WWOX: variants seen among roughly 807,000 people sequenced by gnomAD.
The protein encoded by WWOX is WW domain-containing oxidoreductase.
In WWOX, 69 loss-of-function variants were observed where a neutral mutation model predicts 46.2. The ratio of observed to expected loss-of-function variants is 1.49; its 90% CI spans 1.23 to 1.82. WWOX has a LOEUF of 1.82. Ranked by LOEUF, WWOX falls within the 40% of genes most tolerant of loss-of-function variation. WWOX has a pLI of 0.00. For missense variants in WWOX, 919 were observed against 542.6 expected (o/e 1.69, Z -6.89); for synonymous variants, 359 against 202.6 (o/e 1.77, Z -6.56).
intron 8 of WWOX, among the ~76,000 whole-genome samples, chr16:79,151,186 G>A (rs1282995947): frequency 6.6e-6 from 1 of 152,130 alleles, no homozygotes; most frequent in Non-Finnish European, 1.5e-5. Context: ...CTGTAAAAGT[G>A]GCACCACCTC....
intron 8 of WWOX, among the ~76,000 whole-genome samples, chr16:78,461,638 A>G (rs879322696): frequency 6.6e-6 from 1 of 152,216 alleles, no homozygotes; most frequent in East Asian, 1.9e-4. Flanking sequence ...ACAGACATGC[A>G]CAGCTCAAAA....
chr16:78,743,117 G>C (rs995165027), intron 8 of WWOX, among the ~76,000 whole-genome samples: 1 of 152,088 alleles, frequency 6.6e-6, no homozygotes, highest in Admixed American at 6.6e-5. Context: ...CCTTGGAGGA[G>C]ACACTTGAGT....
At chr16:78,780,101 T>A (rs923631080) in intron 8 of WWOX, among the ~76,000 whole-genome samples, 8 of 152,170 alleles carry the variant, frequency 5.3e-5, no homozygotes, top group Non-Finnish European at 1.2e-4. Context: ...TTCTCGTACT[T>A]CAGGTCCCTG....
intron 6 of WWOX, among the ~76,000 whole-genome samples, chr16:78,400,592 A>G (rs2082389498): frequency 6.6e-6 from 1 of 152,156 alleles, no homozygotes. Context: ...CCATGAATCC[A>G]GCTTGGTTTT....
chr16:78,494,120 C>T (rs2084852524), intron 8 of WWOX, among the ~76,000 whole-genome samples: 1 of 152,124 alleles, frequency 6.6e-6, no homozygotes, highest in South Asian at 2.1e-4. Flanking sequence ...GTAATGTCTT[C>T]ACATGGCTGG....
chr16:79,188,116 C>G (rs2051056408), intron 8 of WWOX, among the ~76,000 whole-genome samples: 1 of 152,154 alleles, frequency 6.6e-6, no homozygotes, highest in Admixed American at 6.6e-5. Context: ...TTTGATTTTT[C>G]TCATCTCCTT....
chr16:78,687,208 T>C (rs959906834), intron 8 of WWOX, among the ~76,000 whole-genome samples: 2 of 152,222 alleles, frequency 1.3e-5, no homozygotes, highest in African/African-American at 2.4e-5. Flanking sequence ...CTGTTCATGA[T>C]ATAACAGTAA....
intron 8 of WWOX, among the ~76,000 whole-genome samples, chr16:78,799,790 G>C (rs984600156): frequency 6.6e-6 from 1 of 152,182 alleles, no homozygotes; most frequent in Non-Finnish European, 1.5e-5. Context: ...AATTTATTTA[G>C]ATATCTTTGG....
At chr16:78,795,072 T>G (rs2050702183) in intron 8 of WWOX, among the ~76,000 whole-genome samples, 1 of 152,200 alleles carries the variant, frequency 6.6e-6, no homozygotes, top group African/African-American at 2.4e-5. Context: ...CGTTGGTGCT[T>G]AAGCATATCC....
intron 8 of WWOX, among the ~76,000 whole-genome samples, chr16:78,569,644 T>C (rs1567651268): frequency 1.3e-5 from 2 of 152,260 alleles, no homozygotes; most frequent in African/African-American, 4.8e-5. Context: ...ATCACAGTTA[T>C]AGAGTAGACA....
At chr16:78,164,053 C>G in intron 4 of WWOX, 130 bp from the exon 5 acceptor site, 1 of 843,724 alleles carries the variant, frequency 1.2e-6, no homozygotes, top group Admixed American at 2.0e-5. Flanking sequence ...TGCTTCTGTC[C>G]CCTGGGGATC....
chr16:78,768,279 T>TAAGAAAAAA, intron 8 of WWOX, among the ~76,000 whole-genome samples: 1 of 91,962 alleles, frequency 1.1e-5, no homozygotes, highest in African/African-American at 4.0e-5. Context: ...ATAGATGAGT[T>TAAGAAAAAA]AAAAAAAAAA....
At chr16:78,978,948 C>T (rs1203266538) in intron 8 of WWOX, among the ~76,000 whole-genome samples, 1 of 152,074 alleles carries the variant, frequency 6.6e-6, no homozygotes, top group Non-Finnish European at 1.5e-5. Flanking sequence ...TTTGATGTCC[C>T]TCCCCACTTT....
chr16:78,236,196 T>C (rs1279557964), intron 5 of WWOX, among the ~76,000 whole-genome samples: 1 of 152,210 alleles, frequency 6.6e-6, no homozygotes, highest in Non-Finnish European at 1.5e-5. Context: ...TAGGGCAAGG[T>C]AATTAAAATG....
chr16:78,141,430 CTTTTTTT>C (rs10639685), intron 4 of WWOX, among the ~76,000 whole-genome samples: 4 of 118,964 alleles, frequency 3.4e-5, no homozygotes, highest in Non-Finnish European at 5.1e-5. Context: ...CATCCCCCTT[CTTTTTTT>C]TTTTTTTTTT....
intron 8 of WWOX, among the ~76,000 whole-genome samples, chr16:79,067,637 C>CGG (rs144613659): frequency 3.0e-4 from 24 of 80,926 alleles, no homozygotes; most frequent in Middle Eastern, 5.7e-3. Flanking sequence ...GGGTGGGGGG[C>CGG]GGGGGGGGGC....
chr16:78,528,204 CAG>C (rs1448434815), intron 8 of WWOX, among the ~76,000 whole-genome samples: 1 of 109,594 alleles, frequency 9.1e-6, no homozygotes, highest in Non-Finnish European at 1.7e-5. Flanking sequence ...TTAGTCGAGA[CAG>C]GGTTTCACCG....
chr16:79,052,010 T>G (rs979891366), intron 8 of WWOX, among the ~76,000 whole-genome samples: 3 of 150,416 alleles, frequency 2.0e-5, no homozygotes, highest in Non-Finnish European at 4.4e-5. Context: ...CTCCTCTGCC[T>G]TTGCCTCTTT....
chr16:78,621,152 G>C (rs2046170809), intron 8 of WWOX, among the ~76,000 whole-genome samples: 1 of 152,156 alleles, frequency 6.6e-6, no homozygotes, highest in Non-Finnish European at 1.5e-5. Context: ...GCAGAAACCA[G>C]ATGGTTTTAA....
Sources: allele counts gnomAD v4.1 joint callset (sites outside exome capture counted in the v4.1 genomes callset), GRCh38; gene constraint gnomAD v4.1.1; transcripts MANE v1.5; gene names NCBI Gene and HGNC (gene_info 2026-07-23, HGNC 2026-07-21).